ZFP28: variants seen among roughly 807,000 people sequenced by gnomAD.
ZFP28 encodes zinc finger protein 28 homolog.
In ZFP28, 31 loss-of-function variants were observed where a neutral mutation model predicts 39.5. The ratio of observed to expected loss-of-function variants is 0.79; its 90% CI spans 0.59 to 1.06. The LOEUF (loss-of-function observed/expected upper bound fraction) is 1.06, where lower values mean the gene tolerates loss of function less well. Ranked by LOEUF, ZFP28 falls within the 50% of genes least tolerant of loss-of-function variation. The pLI is 0.00. For missense variants in ZFP28, 925 were observed against 1,048.4 expected, an observed-to-expected ratio of 0.88 and a Z score of 1.63; for synonymous variants, 400 against 378.6, an observed-to-expected ratio of 1.06 and a Z score of -0.66.
intron 7 of ZFP28, chr19:56,552,768 AATAC>A (rs2044316275): frequency 6.6e-6 from 1 of 152,188 alleles, no homozygotes; most frequent in African/African-American, 2.4e-5. Flanking sequence ...TGAATCATAT[AATAC>A]ATTTGTTTGA....
chr19:56,546,747 G>A (rs987080709), intron 2 of ZFP28: 1 of 152,056 alleles, frequency 6.6e-6, no homozygotes, highest in African/African-American at 2.4e-5. Flanking sequence ...CCCAGTTCTT[G>A]TGCTGCTTCA....
intron 2 of ZFP28, among the ~76,000 whole-genome samples, chr19:56,543,103 T>C (rs1390652533): frequency 6.6e-6 from 1 of 152,152 alleles, no homozygotes; most frequent in Non-Finnish European, 1.5e-5. Flanking sequence ...TCATCAGGAA[T>C]AATAGTTATT....
intron 7 of ZFP28, chr19:56,550,907 G>A: frequency 7.0e-7 from 1 of 1,428,072 alleles, no homozygotes; most frequent in Non-Finnish European, 9.1e-7. Flanking sequence ...GACTTCCAAA[G>A]GTTTTCTCTT....
At chr19:56,541,086 C>T (rs545674891) in intron 2 of ZFP28, among the ~76,000 whole-genome samples, 2 of 152,282 alleles carry the variant, frequency 1.3e-5, no homozygotes, top group East Asian at 1.9e-4. Flanking sequence ...TCCTCTGAGC[C>T]GCCGGCCTGT....
At position 56,554,931 on chromosome 19, in the gene ZFP28, T is replaced by A. The variant is rs1348975177; in HGVS notation, c.2146T>A (p.Cys716Ser). The change falls in exon 8 of 8, where the codon TGT becomes AGT. Residue 716 changes from cysteine to serine, a missense_variant. Transcript: ENST00000301318. The surrounding 1 kb of genome is among the most constrained non-coding windows in gnomAD (Gnocchi z 6.7). ...CGKAFGDNSSCTQHQRLHTGQ... is the reference protein window; with the variant it reads ...CGKAFGDNSSSTQHQRLHTGQ... ...GAAGGCCTTTGGTGATAACTCATCCTGTACTCAACATCAAAGACTGCACAC... is the reference window on the plus strand; with the variant it reads ...GAAGGCCTTTGGTGATAACTCATCCAGTACTCAACATCAAAGACTGCACAC... 6.2e-7 allele frequency: 1 copy of A among 1,614,212 alleles called. No individual in the cohort carries two copies. The highest frequency in any genetic ancestry group is 8.5e-7 in the Non-Finnish European group (1 of 1,180,036).
At position 56,554,931 on chromosome 19, in the gene ZFP28, T is replaced by C. The variant is rs1348975177; in HGVS notation, c.2146T>C (p.Cys716Arg). 1 of 1,614,094 alleles carries C rather than the reference T, an allele frequency of 6.2e-7. No homozygotes were observed. The highest frequency in any genetic ancestry group is 1.3e-5 in the African/African-American group (1 of 74,942). ...GAAGGCCTTTGGTGATAACTCATCC[T>C]GTACTCAACATCAAAGACTGCACAC... ...CGKAFGDNSS[C>R]TQHQRLHTGQ... The change falls in exon 8 of 8, where the codon TGT becomes CGT. Residue 716 changes from cysteine (C) to arginine (R), a missense_variant. Cys to Arg is a radical substitution (Grantham distance 180). Coordinates refer to ENST00000301318, the MANE Select transcript of ZFP28 (RefSeq NM_020828.2). The surrounding 1 kb of genome is among the most constrained non-coding windows in gnomAD (Gnocchi z 6.7).
chr19:56,547,999 T>C lies in ZFP28; in HGVS notation c.523+97T>C. On this transcript the variant is annotated intron_variant, in intron 4 of 7. Transcript: ENST00000301318. This position sits in a 1 kb window ranked among gnomAD's most constrained non-coding sequence, Gnocchi z 4.6. ...CTTCAGCAGACTCTTCCTAAGCCTC[T>C]TGCTTAGGAATATCTGTTATTTTTA... is the stretch of plus-strand genomic sequence containing the variant. 1 of 1,116,256 alleles carries C rather than the reference T, an allele frequency of 9.0e-7. No individual in the cohort carries two copies. The highest frequency in any genetic ancestry group is 1.3e-6 in the Non-Finnish European group (1 of 776,414). 69.1% of individuals were successfully genotyped at this position (1,116,256 alleles called of 1,614,324 possible).
rs2044335110 is a variant in ZFP28, at chr19:56,554,660, C to T, written c.1875C>T (p.Ser625=). 1.2e-6 allele frequency: 2 copies of T among 1,613,440 alleles called. No individual in the cohort carries two copies. The highest frequency in any genetic ancestry group is 8.5e-7 in the Non-Finnish European group (1 of 1,179,488). ...TTGAATGTGCGGAGTGTGGAAAATCCTTCAGCATCAGTTCTCAGCTTGCCA... is the reference window on the plus strand; with the variant it reads ...TTGAATGTGCGGAGTGTGGAAAATCTTTCAGCATCAGTTCTCAGCTTGCCA... ...KPFECAECGK[S]FSISSQLATH... Residue 625 remains serine, a synonymous_variant, in exon 8 of 8, where the codon TCC becomes TCT. Coordinates refer to ENST00000301318, the MANE Select transcript of ZFP28 (RefSeq NM_020828.2). The surrounding 1 kb of genome is among the most constrained non-coding windows in gnomAD (Gnocchi z 6.7).
chr19:56,540,535 T>C (rs1426120390), intron 2 of ZFP28, among the ~76,000 whole-genome samples: 1 of 152,238 alleles, frequency 6.6e-6, no homozygotes, highest in Non-Finnish European at 1.5e-5. Context: ...CAAACTGCTC[T>C]TGAGTGGGTT....
chr19:56,554,646 G>C lies in ZFP28; in HGVS notation c.1861G>C (p.Glu621Gln). 6.2e-7 allele frequency: 1 copy of C among 1,613,460 alleles called. No homozygotes were observed. Among genetic ancestry groups the C allele is most frequent in the South Asian group, 1.1e-5 (1 of 91,046 alleles). ...TGGGGAGAAGCCTTTTGAATGTGCG[G>C]AGTGTGGAAAATCCTTCAGCATCAG... ...HTGEKPFECAECGKSFSISSQ... is the reference protein window; with the variant it reads ...HTGEKPFECAQCGKSFSISSQ... The change falls in exon 8 of 8, where the codon GAG becomes CAG. Residue 621 changes from glutamate to glutamine, a missense_variant. Around this residue, in one of 2 missense-constraint regions of ZFP28, gnomAD observed 369 missense variants for 505.5 expected, o/e 0.73. Coordinates refer to ENST00000301318, the MANE Select transcript of ZFP28 (RefSeq NM_020828.2). The surrounding 1 kb of genome is among the most constrained non-coding windows in gnomAD (Gnocchi z 6.7).
chr19:56,536,987 T>C (rs1188190562), upstream of ZFP28, among the ~76,000 whole-genome samples: 5 of 136,936 alleles, frequency 3.7e-5, no homozygotes, highest in East Asian at 1.0e-3. Flanking sequence ...CCTGAGCCTT[T>C]ACAGCCCTTC....
intron 2 of ZFP28, among the ~76,000 whole-genome samples, chr19:56,541,914 A>C (rs2044199063): frequency 9.1e-6 from 1 of 109,440 alleles, no homozygotes. Flanking sequence ...TTTTTTAGAG[A>C]CAGGGTTTCA....
chr19:56,544,196 G>A (rs1483628208), intron 2 of ZFP28, among the ~76,000 whole-genome samples: 1 of 152,170 alleles, frequency 6.6e-6, no homozygotes, highest in Non-Finnish European at 1.5e-5. Context: ...CTTAGATGGC[G>A]TACTTCAAAA....
chr19:56,555,293 T>A lies in ZFP28; in HGVS notation c.2508T>A (p.Thr836=). ...TAGCTCATCATCAGCGAATTCATAC[T>A]GGAGAGTCGTCAACATGCCCCTCTT... ...AHLAHHQRIH[T]GESSTCPSLP... Residue 836 remains threonine (T), a synonymous_variant, in exon 8 of 8, where the codon ACT becomes ACA. Transcript: ENST00000301318. 2 of 1,614,182 alleles carry A rather than the reference T, an allele frequency of 1.2e-6. No individual in the cohort carries two copies. The highest frequency in any genetic ancestry group is 1.1e-5 in the South Asian group (1 of 91,088).
In ZFP28 at chr19:56,539,152, G is replaced by C. The variant is rs199655023; in HGVS notation, c.134G>C (p.Gly45Ala). The C allele has an allele frequency of 6.3e-7, 1 of 1,598,266 alleles. No individual in the cohort carries two copies. The highest frequency in any genetic ancestry group is 2.3e-5 in the East Asian group (1 of 44,210). The change falls in exon 1 of 8, where the codon GGA becomes GCA. Residue 45 changes from glycine to alanine, a missense_variant. This residue lies in a region of ZFP28 where 556 missense variants were observed against 542.9 expected (regional missense o/e 1.02). Transcript: ENST00000301318. ...TPATLALPAR[G>A]RPRSRNGLAS... ...GCCACCTTGGCCCTCCCTGCCCGGG[G>C]AAGGCCGCGCTCAAGGAATGGCCTC...
chr19:56,543,394 A>G (rs1246520718), intron 2 of ZFP28, among the ~76,000 whole-genome samples: 2 of 140,304 alleles, frequency 1.4e-5, no homozygotes, highest in African/African-American at 5.2e-5. Flanking sequence ...ATATATATGT[A>G]TATATAATTT....
At chr19:56,538,835 CGGGGAGGGGT>C (rs1480189700), upstream of ZFP28, 1 of 46,086 alleles carries the variant, frequency 2.2e-5, no homozygotes, top group African/African-American at 3.4e-4. Flanking sequence ...GGCGGGGCAG[CGGGGAGGGGT>C]GGGGAGGGGC....
In ZFP28 at chr19:56,554,480, T is replaced by C. The variant is rs368674976; in HGVS notation, c.1695T>C (p.Val565=). The part of the protein sequence containing the change: ...HTGEKPYECD[V]CRKAFSHHAS... ...GAGAAAAACCATATGAATGTGATGTTTGCAGAAAAGCCTTCAGCCATCATG... is the reference window on the plus strand; with the variant it reads ...GAGAAAAACCATATGAATGTGATGTCTGCAGAAAAGCCTTCAGCCATCATG... The change falls in exon 8 of 8, where the codon GTT becomes GTC. Residue 565 remains valine, a synonymous_variant. Coordinates refer to ENST00000301318, the MANE Select transcript of ZFP28 (RefSeq NM_020828.2). This position sits in a 1 kb window ranked among gnomAD's most constrained non-coding sequence, Gnocchi z 6.7. 2 of 1,614,214 alleles carry C rather than the reference T, an allele frequency of 1.2e-6. No individual in the cohort carries two copies. The highest frequency in any genetic ancestry group is 1.3e-5 in the African/African-American group (1 of 75,058).
chr19:56,554,588 T>A lies in ZFP28; in HGVS notation c.1803T>A (p.Asn601Lys). ...CKECGKAFRQ[N>K]IHLASHLRIH... ...AGTGCGGAAAAGCTTTTAGGCAGAA[T>A]ATACACCTTGCCAGTCATTTAAGGA... The change falls in exon 8 of 8, where the codon AAT becomes AAA. Residue 601 changes from asparagine (N) to lysine (K), a missense_variant. Physicochemically the swap from Asn to Lys is moderately conservative, Grantham distance 94. Transcript: ENST00000301318. This position sits in a 1 kb window ranked among gnomAD's most constrained non-coding sequence, Gnocchi z 6.7. The A allele has an allele frequency of 3.1e-6, 5 of 1,614,144 alleles. No individual in the cohort carries two copies. Among genetic ancestry groups the A allele is most frequent in the Non-Finnish European group, 4.2e-6 (5 of 1,180,026 alleles).
Sources: gnomAD v4.1 joint callset for allele counts (sites outside exome capture counted in the v4.1 genomes callset) on GRCh38, gnomAD v4.1.1 for gene constraint, gnomAD v4.1.1 regional missense constraint, Gnocchi (gnomAD v3.1) non-coding constraint, MANE v1.5 for transcripts, NCBI Gene and HGNC (gene_info 2026-07-23, HGNC 2026-07-21) for gene names.